Variants in CLIC5 observed in about 807,000 individuals in gnomAD.
CLIC5 encodes CLIC family member 5.
Under a neutral mutation model 24.7 loss-of-function variants are expected in CLIC5, and 20 were observed. The ratio of observed to expected loss-of-function variants is 0.81; its 90% CI spans 0.57 to 1.18. The LOEUF (loss-of-function observed/expected upper bound fraction) is 1.18, where lower values mean the gene tolerates loss of function less well. Ranked by LOEUF, CLIC5 falls within the 50% of genes most tolerant of loss-of-function variation. CLIC5 has a pLI of 0.00. For missense variants in CLIC5, 341 were observed against 326.1 expected (o/e 1.05, Z -0.35); for synonymous variants, 159 against 135.6 (o/e 1.17, Z -1.20).
intron 4 of CLIC5, among the ~76,000 whole-genome samples, chr6:45,936,076 T>C (rs1034500461): frequency 6.6e-6 from 1 of 152,134 alleles, no homozygotes; most frequent in African/African-American, 2.4e-5. Context: ...ATGTGATTGA[T>C]CCTTGGGCAT....
intron 1 of CLIC5, among the ~76,000 whole-genome samples, chr6:45,974,493 GTGTGTATATATATA>G (rs1385459355): frequency 5.9e-5 from 5 of 85,406 alleles, no homozygotes; most frequent in Non-Finnish European, 1.2e-4. Flanking sequence ...CTGTGTGTGT[GTGTGTATATATATA>G]TATATATATA....
intron 1 of CLIC5, among the ~76,000 whole-genome samples, chr6:46,054,821 G>T (rs1384484986): frequency 6.6e-6 from 1 of 152,250 alleles, no homozygotes; most frequent in Non-Finnish European, 1.5e-5. Flanking sequence ...GATCATGCTG[G>T]CACATTGATG....
intron 1 of CLIC5, among the ~76,000 whole-genome samples, chr6:46,002,665 A>G (rs1240025718): frequency 6.6e-6 from 1 of 152,226 alleles, no homozygotes; most frequent in African/African-American, 2.4e-5. Flanking sequence ...TATTTTTAAA[A>G]GGACGTCTAA....
upstream of CLIC5, among the ~76,000 whole-genome samples, chr6:46,085,291 G>A (rs528281313): frequency 2.6e-4 from 40 of 152,170 alleles, no homozygotes; most frequent in African/African-American, 6.3e-4. Context: ...GTCATTCTCC[G>A]TCCAGCTTTT....
chr6:45,989,237 G>T (rs1376104602), intron 1 of CLIC5, among the ~76,000 whole-genome samples: 1 of 152,128 alleles, frequency 6.6e-6, no homozygotes, highest in Non-Finnish European at 1.5e-5. Flanking sequence ...GGAGAACATT[G>T]TCTCCTTTCC....
At chr6:45,880,860 G>A (rs895954502), downstream of CLIC5, 7 of 319,300 alleles carry the variant, frequency 2.2e-5, no homozygotes, top group Admixed American at 3.4e-4. Context: ...TTGAACTGCA[G>A]CAGGGAACCG....
At chr6:45,884,068 TAATG>T (rs1762283666) in intron 6 of CLIC5, among the ~76,000 whole-genome samples, 1 of 152,192 alleles carries the variant, frequency 6.6e-6, no homozygotes, top group Non-Finnish European at 1.5e-5. Flanking sequence ...TGGAGGTACA[TAATG>T]AGAGGGTCTG....
intron 1 of CLIC5, 28 bp from the exon 2 acceptor site, chr6:45,955,272 G>C (rs746421967): frequency 6.5e-7 from 1 of 1,542,350 alleles, no homozygotes; most frequent in East Asian, 2.2e-5. Context: ...AGTGTCCTGA[G>C]TGGGCAGGTG....
chr6:45,882,239 T>A (rs907234810), intron 6 of CLIC5, among the ~76,000 whole-genome samples: 6 of 152,282 alleles, frequency 3.9e-5, no homozygotes, highest in African/African-American at 1.4e-4. Flanking sequence ...AGGATACACA[T>A]CTCCCCACCC....
intron 1 of CLIC5, among the ~76,000 whole-genome samples, chr6:46,076,297 C>T (rs1214245147): frequency 1.3e-5 from 2 of 152,218 alleles, no homozygotes; most frequent in East Asian, 1.9e-4. Context: ...ACTCTCCATC[C>T]GCCAAATATG....
chr6:45,941,619 T>C lies in CLIC5; in HGVS notation c.334A>G (p.Asn112Asp), dbSNP rs564438778. ...PKLAAKHRESNTAGIDIFSKF... is the reference protein window; with the variant it reads ...PKLAAKHRESDTAGIDIFSKF... ...GAAAAGATGTCGATGCCCGCTGTGT[T>C]GGATTCCCGGTGTTTTGCAGCCAGT... Residue 112 changes from asparagine to aspartate, a missense_variant, in exon 4 of 6, where the codon AAC becomes GAC. Transcript: ENST00000339561. 3.8e-4 allele frequency: 608 copies of C among 1,613,972 alleles called. 6 individuals are homozygous for C. The South Asian group carries it at 5.1e-3, about 13-fold the overall frequency.
At chr6:45,967,766 C>A (rs1039217334) in intron 1 of CLIC5, among the ~76,000 whole-genome samples, 1 of 152,076 alleles carries the variant, frequency 6.6e-6, no homozygotes, top group Non-Finnish European at 1.5e-5. Flanking sequence ...GGAGCAGGCA[C>A]TTTCCATGGC....
the CLIC5 span, among the ~76,000 whole-genome samples, chr6:46,094,865 T>C: frequency 6.6e-6 from 1 of 152,228 alleles, no homozygotes; most frequent in African/African-American, 2.4e-5. Flanking sequence ...ATTTTCCCTC[T>C]GCATTGCCCT....
chr6:46,032,793 G>T (rs775167978), intron 1 of CLIC5, among the ~76,000 whole-genome samples: 4 of 152,122 alleles, frequency 2.6e-5, no homozygotes, highest in African/African-American at 4.8e-5. Flanking sequence ...GGTCACACCT[G>T]CATCTTAAAA....
intron 4 of CLIC5, among the ~76,000 whole-genome samples, chr6:45,923,723 C>A (rs1020207056): frequency 2.0e-5 from 3 of 152,268 alleles, no homozygotes; most frequent in Middle Eastern, 6.8e-3. Context: ...TTCATCGGAT[C>A]GTGAACTGAT....
chr6:46,085,493 G>C, the CLIC5 span, among the ~76,000 whole-genome samples: 1 of 152,218 alleles, frequency 6.6e-6, no homozygotes, highest in African/African-American at 2.4e-5. Flanking sequence ...CCTTCTAACA[G>C]ACAGGACCCT....
chr6:46,016,023 G>C (rs1766992632), upstream of CLIC5: 1 of 459,424 alleles, frequency 2.2e-6, no homozygotes, highest in Non-Finnish European at 2.9e-6. Flanking sequence ...AGCTGGTCCT[G>C]GCAAAGCCAC....
chr6:45,955,746 C>T (rs1373007032), intron 1 of CLIC5, among the ~76,000 whole-genome samples: 3 of 151,832 alleles, frequency 2.0e-5, no homozygotes, highest in African/African-American at 7.3e-5. Context: ...CCCCACCCCT[C>T]AGTCCTTGGA....
At chr6:45,934,043 G>A (rs1022558431) in intron 4 of CLIC5, among the ~76,000 whole-genome samples, 4 of 152,190 alleles carry the variant, frequency 2.6e-5, no homozygotes, top group African/African-American at 9.7e-5. Flanking sequence ...GCGGCTCACA[G>A]CAGGAATATT....
Sources: allele counts gnomAD v4.1 joint callset (sites outside exome capture counted in the v4.1 genomes callset), GRCh38; gene constraint gnomAD v4.1.1; transcripts MANE v1.5; gene names NCBI Gene and HGNC (gene_info 2026-07-23, HGNC 2026-07-21).